CDK8: variants seen among roughly 807,000 people sequenced by gnomAD.
CDK8 encodes the protein cyclin-dependent kinase 8.
A neutral mutation model predicts 71.5 loss-of-function variants in CDK8; 29 were observed. The ratio of observed to expected loss-of-function variants is 0.41; its 90% CI spans 0.30 to 0.55. The LOEUF (loss-of-function observed/expected upper bound fraction) is 0.55, where lower values mean the gene tolerates loss of function less well. CDK8 is among the 20% of genes least tolerant of loss of function. CDK8 has a pLI of 0.37. For synonymous variants in CDK8, 161 were observed against 192.1 expected (o/e 0.84, Z 1.34); for missense variants, 288 against 572.6 (o/e 0.50, Z 5.07).
Position 26,274,631 on chromosome 13 carries a change from C to T in CDK8, c.128+19862C>T, listed in dbSNP as rs535239524. Reference sequence around the variant, plus strand: ...TATTTTTAGTAGAGATGGGGTTTCACGATGTTAGCCAGGATGGTCTCATTC... The same window carrying T: ...TATTTTTAGTAGAGATGGGGTTTCATGATGTTAGCCAGGATGGTCTCATTC... On this transcript the variant is annotated intron_variant, in intron 1 of 12. Coordinates refer to ENST00000381527, the MANE Select transcript of CDK8 (RefSeq NM_001260.3). 4.7e-3 allele frequency among the ~76,000 whole-genome samples: 715 copies of T among 152,162 alleles called. 3 individuals carry two copies. The highest frequency in any genetic ancestry group is 5.7e-3 in the Non-Finnish European group (390 of 68,000).
intron 6 of CDK8, among the ~76,000 whole-genome samples, chr13:26,392,707 A>T (rs1216010503): frequency 6.6e-6 from 1 of 152,040 alleles, no homozygotes; most frequent in Non-Finnish European, 1.5e-5. Flanking sequence ...GCAAAATCTG[A>T]TACTGCTTAT....
chr13:26,273,746 ATTC>A (rs1201014312), intron 1 of CDK8, among the ~76,000 whole-genome samples: 1 of 151,824 alleles, frequency 6.6e-6, no homozygotes, highest in South Asian at 2.1e-4. Context: ...GTTTTCCTTT[ATTC>A]TTCTCCTTAT....
intron 1 of CDK8, among the ~76,000 whole-genome samples, chr13:26,319,233 C>T (rs968157001): frequency 3.3e-5 from 5 of 151,764 alleles, no homozygotes; most frequent in Admixed American, 1.3e-4. Flanking sequence ...TTTGGAAGGC[C>T]GAGGTGGGTG....
intron 6 of CDK8, among the ~76,000 whole-genome samples, chr13:26,389,460 A>C (rs924021141): frequency 6.6e-6 from 1 of 151,696 alleles, no homozygotes; most frequent in African/African-American, 2.4e-5. Flanking sequence ...ACACCCAGCC[A>C]AAAAGTTTTA....
intron 4 of CDK8, among the ~76,000 whole-genome samples, chr13:26,381,509 T>G (rs910866138): frequency 2.0e-5 from 3 of 151,978 alleles, no homozygotes; most frequent in African/African-American, 4.8e-5. Flanking sequence ...AACATCAGTA[T>G]TATTATTATT....
chr13:26,270,248 G>A (rs556389581), intron 1 of CDK8, among the ~76,000 whole-genome samples: 4 of 151,954 alleles, frequency 2.6e-5, no homozygotes, highest in East Asian at 1.9e-4. Flanking sequence ...AATTAGCTGG[G>A]TGTGGTGGCA....
intron 3 of CDK8, among the ~76,000 whole-genome samples, 159 bp downstream of exon 3, chr13:26,349,341 C>A (rs574346162): frequency 6.6e-6 from 1 of 152,212 alleles, no homozygotes; most frequent in South Asian, 2.1e-4. Flanking sequence ...GAGTATTTGA[C>A]TTTGTATTAT....
At position 26,383,008 on chromosome 13, in the gene CDK8, T is replaced by A. The variant is rs575641230; in HGVS notation, c.514+137T>A. ...TGATCGAAGCCATTTCTAAAGAGTATGCATAAAAGTGAAAAATGTTTCACA... is the reference window on the plus strand; with the variant it reads ...TGATCGAAGCCATTTCTAAAGAGTAAGCATAAAAGTGAAAAATGTTTCACA... On this transcript the variant is annotated intron_variant, in intron 5 of 12. Transcript: ENST00000381527. 3.0e-4 allele frequency: 147 copies of A among 495,766 alleles called. 2 individuals are homozygous for A. The South Asian group carries it at 5.1e-3, about 17-fold the overall frequency. 30.7% of individuals were successfully genotyped at this position (495,766 alleles called of 1,614,324 possible). A position where few individuals can be genotyped will look rare whatever the true frequency, so the allele number is the denominator to read the frequency against.
At chr13:26,321,542 T>A (rs1432968479) in intron 1 of CDK8, among the ~76,000 whole-genome samples, 1 of 152,146 alleles carries the variant, frequency 6.6e-6, no homozygotes, top group Non-Finnish European at 1.5e-5. Flanking sequence ...TTTATGTTAA[T>A]CATATTTTAC....
chr13:26,303,659 A>C (rs562281227), intron 1 of CDK8, among the ~76,000 whole-genome samples: 1 of 152,356 alleles, frequency 6.6e-6, no homozygotes, highest in East Asian at 1.9e-4. Context: ...TTATGATCTT[A>C]CATAGAAAAC....
chr13:26,286,802 A>G lies in CDK8; in HGVS notation c.128+32033A>G, dbSNP rs149726228. On this transcript the variant is annotated intron_variant, in intron 1 of 12. Transcript: ENST00000381527. Reference sequence around the variant, plus strand: ...CCAGAATCTACAAGGAACTCAAATCAGCAAGATAAAAAACAATCCCATCAA... The same window carrying G: ...CCAGAATCTACAAGGAACTCAAATCGGCAAGATAAAAAACAATCCCATCAA... Among the ~76,000 whole-genome samples the G allele has an allele frequency of 2.9e-3, 444 of 152,346 alleles. 6 individuals carry two copies. The highest frequency in any genetic ancestry group is 0.01 in the African/African-American group (420 of 41,580).
chr13:26,265,632 G>A (rs141639584), intron 1 of CDK8, among the ~76,000 whole-genome samples: 202 of 152,252 alleles, frequency 1.3e-3, no homozygotes, highest in African/African-American at 4.6e-3. Flanking sequence ...GTGTATTATG[G>A]GGGGAAGCTA....
chr13:26,389,207 G>T lies in CDK8; in HGVS notation c.646+3865G>T, dbSNP rs551821331. 2.6e-5 allele frequency among the ~76,000 whole-genome samples: 4 copies of T among 152,248 alleles called. No individual in the cohort carries two copies. The East Asian group carries it at 7.7e-4, about 29-fold the overall frequency. ...AGACAGAGTCTCGCTCTGTCACCCA[G>T]GCTGGAGTGCAGTGGTGCAATCTTG... On this transcript the variant is annotated intron_variant, in intron 6 of 12. Transcript: ENST00000381527.
intron 1 of CDK8, among the ~76,000 whole-genome samples, chr13:26,270,338 A>G (rs1322757038): frequency 6.6e-6 from 1 of 151,790 alleles, no homozygotes; most frequent in African/African-American, 2.4e-5. Context: ...GCGGTGAGCC[A>G]AGATCACGCC....
intron 4 of CDK8, among the ~76,000 whole-genome samples, chr13:26,365,010 A>T (rs939843021): frequency 1.6e-4 from 24 of 152,150 alleles, no homozygotes; most frequent in Non-Finnish European, 2.9e-4. Flanking sequence ...TTTAAAACAG[A>T]GCTTTTTGAA....
At chr13:26,386,870 A>G (rs1033493828) in intron 6 of CDK8, among the ~76,000 whole-genome samples, 12 of 152,168 alleles carry the variant, frequency 7.9e-5, no homozygotes, top group African/African-American at 2.9e-4. Flanking sequence ...TTCTAGAAAC[A>G]AAAAGGATTT....
chr13:26,317,093 G>GT (rs1262959570), intron 1 of CDK8, among the ~76,000 whole-genome samples: 1 of 152,144 alleles, frequency 6.6e-6, no homozygotes, highest in Non-Finnish European at 1.5e-5. Context: ...AGTGAACAAG[G>GT]TTTAAGCGAC....
At chr13:26,358,705 C>T (rs1874004827) in intron 4 of CDK8, among the ~76,000 whole-genome samples, 1 of 152,212 alleles carries the variant, frequency 6.6e-6, no homozygotes, top group South Asian at 2.1e-4. Flanking sequence ...TTCATAGCAG[C>T]ATTATTCACA....
At chr13:26,282,348 TATCAGATTAAC>T (rs1593236886) in intron 1 of CDK8, among the ~76,000 whole-genome samples, 3 of 152,182 alleles carry the variant, frequency 2.0e-5, no homozygotes, top group African/African-American at 7.2e-5. Context: ...AAGGAAAACC[TATCAGATTAAC>T]AGCAGATTTC....
Sources: allele counts gnomAD v4.1 joint callset (sites outside exome capture counted in the v4.1 genomes callset), GRCh38; gene constraint gnomAD v4.1.1; transcripts MANE v1.5; gene names NCBI Gene and HGNC (gene_info 2026-07-23, HGNC 2026-07-21).